KLHL1: variants seen among roughly 807,000 people sequenced by gnomAD.
KLHL1 encodes the protein kelch-like protein 1.
Under a neutral mutation model 77.7 loss-of-function variants are expected in KLHL1, and 47 were observed. That is an observed-to-expected ratio of 0.60 (90% CI 0.48 to 0.77). The LOEUF (loss-of-function observed/expected upper bound fraction) is 0.77. Among genes scored for constraint, KLHL1 ranks in the 30% least tolerant of loss-of-function variants. The pLI is 0.00. For synonymous variants in KLHL1, 360 were observed against 325.2 expected (o/e 1.11, Z -1.15); for missense variants, 925 against 910.8 (o/e 1.02, Z -0.20).
chr13:70,059,581 C>G (rs1467456257), intron 1 of KLHL1, among the ~76,000 whole-genome samples: 2 of 152,152 alleles, frequency 1.3e-5, no homozygotes, highest in Admixed American at 1.3e-4. Context: ...AAACAATCTA[C>G]AAAATTAAGA....
chr13:69,905,599 A>G (rs571920971), intron 4 of KLHL1, among the ~76,000 whole-genome samples: 6 of 152,086 alleles, frequency 3.9e-5, no homozygotes, highest in Non-Finnish European at 7.4e-5. Flanking sequence ...TGCCAACTGC[A>G]TAAGATTTGA....
chr13:69,789,038 TCTATCTATCTATCTATCTATCTATCTAC>T (rs989439646), intron 7 of KLHL1, among the ~76,000 whole-genome samples: 5 of 61,318 alleles, frequency 8.2e-5, no homozygotes, highest in Non-Finnish European at 1.7e-4. Flanking sequence ...TATCTATCTA[TCTATCTATCTATCTATCTATCTATCTAC>T]TTATTTACCT....
chr13:70,090,375 G>A (rs1028431002), intron 1 of KLHL1, among the ~76,000 whole-genome samples: 1 of 151,776 alleles, frequency 6.6e-6, no homozygotes, highest in African/African-American at 2.4e-5. Context: ...TAACAAGACT[G>A]GGGGAAAAAG....
chr13:70,025,772 T>A (rs975144936), intron 1 of KLHL1, among the ~76,000 whole-genome samples: 1 of 152,014 alleles, frequency 6.6e-6, no homozygotes, highest in Non-Finnish European at 1.5e-5. Flanking sequence ...ATTTTTATAC[T>A]TGTTCAATTT....
At chr13:69,930,508 G>A (rs1566414034) in intron 4 of KLHL1, among the ~76,000 whole-genome samples, 1 of 151,838 alleles carries the variant, frequency 6.6e-6, no homozygotes, top group East Asian at 1.9e-4. Flanking sequence ...TGATAGTCTT[G>A]CTGAATAATT....
intron 8 of KLHL1, among the ~76,000 whole-genome samples, chr13:69,730,000 T>C (rs945754116): frequency 1.4e-4 from 22 of 152,102 alleles, no homozygotes; most frequent in Non-Finnish European, 1.8e-4. Flanking sequence ...GGAAAAGTAA[T>C]CTGAATAGTG....
intron 1 of KLHL1, among the ~76,000 whole-genome samples, chr13:69,978,222 T>C (rs1175533043): frequency 1.3e-5 from 2 of 151,962 alleles, no homozygotes; most frequent in Non-Finnish European, 2.9e-5. Context: ...AGATTTAGAA[T>C]GAACATACTA....
intron 1 of KLHL1, among the ~76,000 whole-genome samples, chr13:70,053,005 C>T (rs1886664470): frequency 6.6e-6 from 1 of 151,850 alleles, no homozygotes; most frequent in Admixed American, 6.6e-5. Flanking sequence ...TGCCAGACAT[C>T]CAAACAAGGC....
chr13:69,945,732 C>G (rs1224352691), intron 3 of KLHL1, among the ~76,000 whole-genome samples: 1 of 152,066 alleles, frequency 6.6e-6, no homozygotes, highest in Non-Finnish European at 1.5e-5. Context: ...TCTATTAGAA[C>G]TGCTTGTGGA....
chr13:70,042,237 C>G (rs988590105), intron 1 of KLHL1, among the ~76,000 whole-genome samples: 2 of 151,978 alleles, frequency 1.3e-5, no homozygotes, highest in African/African-American at 4.8e-5. Context: ...TCCTAAATAC[C>G]CTAACCAATC....
chr13:70,098,325 T>G (rs1887842449), intron 1 of KLHL1, among the ~76,000 whole-genome samples: 1 of 151,900 alleles, frequency 6.6e-6, no homozygotes, highest in South Asian at 2.1e-4. Context: ...TGCTTTTATT[T>G]TTGCTAATTA....
At chr13:70,103,673 T>C (rs1233578136) in intron 1 of KLHL1, among the ~76,000 whole-genome samples, 2 of 152,098 alleles carry the variant, frequency 1.3e-5, no homozygotes, top group Admixed American at 6.6e-5. Context: ...CTTGAAAGAA[T>C]AGTGAAATTG....
At chr13:69,996,816 CTT>C in intron 1 of KLHL1, among the ~76,000 whole-genome samples, 1 of 150,464 alleles carries the variant, frequency 6.6e-6, no homozygotes, top group East Asian at 2.0e-4. Context: ...ATCTTACAAA[CTT>C]TAAGTGGCCT....
intron 8 of KLHL1, among the ~76,000 whole-genome samples, chr13:69,736,382 T>TA (rs564274346): frequency 3.7e-4 from 56 of 151,826 alleles, no homozygotes; most frequent in East Asian, 1.9e-3. Context: ...TCCAAAGATT[T>TA]AAAAAAAACA....
chr13:69,898,244 G>T (rs1379182494), intron 4 of KLHL1, among the ~76,000 whole-genome samples: 1 of 152,180 alleles, frequency 6.6e-6, no homozygotes, highest in Non-Finnish European at 1.5e-5. Context: ...TGCCCTCCCA[G>T]TAAGCCTAAG....
intron 5 of KLHL1, among the ~76,000 whole-genome samples, chr13:69,861,812 A>G (rs1413364423): frequency 6.9e-6 from 1 of 144,410 alleles, no homozygotes; most frequent in Non-Finnish European, 1.5e-5. Context: ...AAAAAAATAC[A>G]AAATTAGCCA....
intron 3 of KLHL1, among the ~76,000 whole-genome samples, chr13:69,941,052 T>C (rs1024297381): frequency 3.9e-5 from 6 of 151,994 alleles, no homozygotes; most frequent in South Asian, 2.1e-4. Flanking sequence ...TGTACAATTG[T>C]ATATACAATT....
chr13:69,848,612 A>C (rs1172543143), intron 5 of KLHL1, among the ~76,000 whole-genome samples: 1 of 151,570 alleles, frequency 6.6e-6, no homozygotes, highest in African/African-American at 2.4e-5. Flanking sequence ...ATTCCAAATC[A>C]TTTTCCATGG....
At chr13:69,885,915 A>C (rs965248374) in intron 4 of KLHL1, among the ~76,000 whole-genome samples, 21 of 152,216 alleles carry the variant, frequency 1.4e-4, no homozygotes, top group African/African-American at 4.6e-4. Context: ...TTTAAACCAG[A>C]AAATGGGAAA....
Sources: allele counts gnomAD v4.1 joint callset (sites outside exome capture counted in the v4.1 genomes callset), GRCh38; gene constraint gnomAD v4.1.1; transcripts MANE v1.5; gene names NCBI Gene and HGNC (gene_info 2026-07-23, HGNC 2026-07-21).